Variants in PON2 observed in about 807,000 individuals in gnomAD.
PON2 encodes the protein paraoxonase 2, also known as serum paraoxonase/arylesterase 2.
In PON2, 27 loss-of-function variants were observed where a neutral mutation model predicts 36.6. The ratio of observed to expected loss-of-function variants is 0.74; its 90% confidence interval spans 0.54 to 1.02. The LOEUF is 1.02. Among genes scored for constraint, PON2 ranks in the 50% least tolerant of loss-of-function variants. PON2 has a pLI of 0.00. For missense variants in PON2, 363 were observed against 421.1 expected (o/e 0.86, Z 1.21); for synonymous variants, 149 against 156.3 (o/e 0.95, Z 0.35).
chr7:95,429,633 T>C (rs1789393581), intron 1 of PON2, among the ~76,000 whole-genome samples: 1 of 152,226 alleles, frequency 6.6e-6, no homozygotes, highest in Non-Finnish European at 1.5e-5. Context: ...TGTACCATGC[T>C]ACGGTGCCAA....
At chr7:95,423,342 T>G (rs1291408354) in intron 2 of PON2, among the ~76,000 whole-genome samples, 4 of 139,448 alleles carry the variant, frequency 2.9e-5, no homozygotes, top group African/African-American at 1.1e-4. Flanking sequence ...AAAAAAAAAA[T>G]TAAAATTTAA....
At chr7:95,412,698 T>C in intron 3 of PON2, 1 of 557,770 alleles carries the variant, frequency 1.8e-6, no homozygotes, top group South Asian at 2.0e-5. Context: ...GGATTTATTC[T>C]CTTCAGAGAG....
At chr7:95,413,982 G>A (rs933370144) in intron 3 of PON2, among the ~76,000 whole-genome samples, 3 of 152,074 alleles carry the variant, frequency 2.0e-5, no homozygotes, top group African/African-American at 7.2e-5. Context: ...ATCAGATGGT[G>A]ATAACTAGTC....
At chr7:95,413,899 C>T (rs1220488684) in intron 3 of PON2, among the ~76,000 whole-genome samples, 1 of 152,164 alleles carries the variant, frequency 6.6e-6, no homozygotes, top group Non-Finnish European at 1.5e-5. Flanking sequence ...CATGGCAGTG[C>T]CACTTCAGTT....
chr7:95,429,081 C>A lies in PON2; in HGVS notation c.75-4496G>T, dbSNP rs562611630. ...TAAGTTCTAGGGTACATGTGCACAA[C>A]GTGCAGGTTTGTTACATATGTATAC... On this transcript the variant is annotated intron_variant, in intron 1 of 8. Coordinates refer to ENST00000222572, the MANE Select transcript of PON2 (RefSeq NM_000305.3). Among the ~76,000 whole-genome samples the A allele has an allele frequency of 5.3e-5, 8 of 151,590 alleles. No homozygotes were observed. The East Asian group carries it at 1.6e-3, about 29-fold the overall frequency.
In PON2 at chr7:95,405,173, T is replaced by C; in HGVS notation, c.*157A>G. 1.4e-6 allele frequency: 1 copy of C among 731,448 alleles called. No homozygotes were observed. The highest frequency in any genetic ancestry group is 2.2e-6 in the Non-Finnish European group (1 of 458,076). The allele number at this position is 731,448 out of a possible 1,614,324, so 45.3% of individuals were successfully genotyped here. ...GTTCATTTTCCTTTTTTGTTAAAAG[T>C]GCTCTAAGAACTAAAAGGGCCGTTC... On this transcript the variant is annotated 3_prime_UTR_variant, in exon 9 of 9. Transcript: ENST00000222572.
chr7:95,417,684 C>T (rs17876195), intron 2 of PON2, among the ~76,000 whole-genome samples: 6 of 137,612 alleles, frequency 4.4e-5, no homozygotes, highest in South Asian at 2.5e-4. Flanking sequence ...TACACATGTA[C>T]ACACAGACAC....
chr7:95,416,497 A>G (rs1477569391), intron 2 of PON2, 200 bp from the exon 3 acceptor site: 22 of 616,202 alleles, frequency 3.6e-5, no homozygotes, highest in Non-Finnish European at 6.2e-5. Flanking sequence ...TAAATGTTAG[A>G]TATTTTATGT....
At chr7:95,414,628 C>CA (rs940545573) in intron 3 of PON2, among the ~76,000 whole-genome samples, 1 of 152,044 alleles carries the variant, frequency 6.6e-6, no homozygotes, top group Non-Finnish European at 1.5e-5. Flanking sequence ...AAAACAACAA[C>CA]AAAAAACACA....
chr7:95,429,305 T>C (rs1184535096), intron 1 of PON2, among the ~76,000 whole-genome samples: 2 of 151,814 alleles, frequency 1.3e-5, no homozygotes, highest in African/African-American at 2.4e-5. Context: ...GTCCTTCCAA[T>C]AGTTTGCTAA....
chr7:95,407,173 C>G, intron 6 of PON2, 105 bp from the exon 7 acceptor site: 1 of 726,038 alleles, frequency 1.4e-6, no homozygotes, highest in South Asian at 1.8e-5. Context: ...GTTAATCAAT[C>G]ATGGGCCCTC....
chr7:95,430,710 T>C (rs1218079510), intron 1 of PON2, among the ~76,000 whole-genome samples: 3 of 151,732 alleles, frequency 2.0e-5, no homozygotes, highest in African/African-American at 4.8e-5. Context: ...CAATGAGCTA[T>C]GATTGTGCTG....
chr7:95,421,770 A>C (rs1276666441), intron 2 of PON2, among the ~76,000 whole-genome samples: 1 of 152,222 alleles, frequency 6.6e-6, no homozygotes, highest in Non-Finnish European at 1.5e-5. Flanking sequence ...CAGATGCCTA[A>C]GGAATGAGAG....
intron 4 of PON2, 113 bp from the exon 5 acceptor site, chr7:95,411,892 G>GGTCGTCTA: frequency 8.9e-7 from 1 of 1,125,388 alleles, no homozygotes; most frequent in Non-Finnish European, 1.3e-6. Context: ...TAAGCTGTTA[G>GGTCGTCTA]ACGACCTAAC....
chr7:95,413,812 A>G (rs1788996888), intron 3 of PON2, among the ~76,000 whole-genome samples: 1 of 152,248 alleles, frequency 6.6e-6, no homozygotes. Flanking sequence ...TCCAATTAAA[A>G]AAGATTATCT....
intron 1 of PON2, among the ~76,000 whole-genome samples, chr7:95,426,392 G>A (rs1016755418): frequency 2.0e-5 from 3 of 152,174 alleles, no homozygotes; most frequent in Non-Finnish European, 4.4e-5. Flanking sequence ...ATTTACCGCT[G>A]TTCTAAGTGA....
chr7:95,428,371 T>C (rs1789363413), intron 1 of PON2, among the ~76,000 whole-genome samples: 1 of 152,114 alleles, frequency 6.6e-6, no homozygotes, highest in South Asian at 2.1e-4. Flanking sequence ...AAGGAATCCA[T>C]GGGTAGAATT....
intron 6 of PON2, 60 bp from the exon 7 acceptor site, chr7:95,407,128 G>C (rs1809720354): frequency 9.0e-7 from 1 of 1,110,446 alleles, no homozygotes; most frequent in African/African-American, 1.6e-5. Flanking sequence ...CATTAATACA[G>C]TGTGAAAGAA....
chr7:95,420,841 G>A (rs539941554), intron 2 of PON2, among the ~76,000 whole-genome samples: 1 of 152,282 alleles, frequency 6.6e-6, no homozygotes, highest in South Asian at 2.1e-4. Flanking sequence ...CCAGCACATT[G>A]TTATTTCTTC....
Sources: allele counts gnomAD v4.1 joint callset (sites outside exome capture counted in the v4.1 genomes callset), GRCh38; gene constraint gnomAD v4.1.1; transcripts MANE v1.5; gene names NCBI Gene and HGNC (gene_info 2026-07-23, HGNC 2026-07-21).